Variants in ACSL6 observed in about 807,000 individuals in gnomAD.
ACSL6 encodes acyl-CoA synthetase long chain family member 6.
In ACSL6, 47 loss-of-function variants were observed where a neutral mutation model predicts 98.2. The ratio of observed to expected loss-of-function variants is 0.48; its 90% CI spans 0.38 to 0.61. ACSL6 has a LOEUF of 0.61. Ranked by LOEUF, ACSL6 falls within the 20% of genes least tolerant of loss-of-function variation. The pLI is 0.00. For synonymous variants in ACSL6, 362 were observed against 336.9 expected, an observed-to-expected ratio of 1.07 and a Z score of -0.82; for missense variants, 761 against 913.4, an observed-to-expected ratio of 0.83 and a Z score of 2.15.
At chr5:131,978,250 C>T (rs1208280714) in intron 9 of ACSL6, among the ~76,000 whole-genome samples, 1 of 152,188 alleles carries the variant, frequency 6.6e-6, no homozygotes, top group Non-Finnish European at 1.5e-5. Context: ...GGGAGACAAT[C>T]AAGAGTACAC....
chr5:131,977,645 C>T (rs1453256216), intron 9 of ACSL6, among the ~76,000 whole-genome samples: 1 of 152,140 alleles, frequency 6.6e-6, no homozygotes. Context: ...TCCACTGAGG[C>T]AGCCAGAGAT....
At chr5:132,007,409 G>A (rs1315569884) in intron 1 of ACSL6, among the ~76,000 whole-genome samples, 1 of 152,204 alleles carries the variant, frequency 6.6e-6, no homozygotes, top group Non-Finnish European at 1.5e-5. Flanking sequence ...CTTTCTGCAT[G>A]TCAGAATCCT....
Position 131,988,233 on chromosome 5 carries a change from G to A in ACSL6, c.653-7C>T. ...ATCACGGTGCTGATGTCCGCTGCAGGGGGCCATCAAGGAGAGTCAGGCCAT... is the reference window on the plus strand; with the variant it reads ...ATCACGGTGCTGATGTCCGCTGCAGAGGGCCATCAAGGAGAGTCAGGCCAT... On this transcript the variant is annotated splice_region_variant and splice_polypyrimidine_tract_variant and intron_variant, in intron 6 of 20. Transcript: ENST00000651883. 2 of 1,613,706 alleles carry A rather than the reference G, an allele frequency of 1.2e-6. No individual in the cohort carries two copies. The highest frequency in any genetic ancestry group is 1.7e-6 in the Non-Finnish European group (2 of 1,179,716).
At chr5:131,992,781 C>G (rs1754594631) in intron 2 of ACSL6, among the ~76,000 whole-genome samples, 2 of 152,218 alleles carry the variant, frequency 1.3e-5, no homozygotes, top group Admixed American at 1.3e-4. Flanking sequence ...GGTCCCTGCA[C>G]AGTTCACAGG....
At chr5:132,001,444 A>T (rs1314522770) in intron 1 of ACSL6, among the ~76,000 whole-genome samples, 1 of 152,170 alleles carries the variant, frequency 6.6e-6, no homozygotes, top group Non-Finnish European at 1.5e-5. Flanking sequence ...GGTTTTAATT[A>T]GATTCACAGA....
chr5:132,004,290 G>A (rs1280346973), intron 1 of ACSL6, among the ~76,000 whole-genome samples: 1 of 151,542 alleles, frequency 6.6e-6, no homozygotes, highest in Non-Finnish European at 1.5e-5. Context: ...GTCACCAGGA[G>A]CTGCCTATTA....
At chr5:131,986,113 G>T (rs931285863) in intron 8 of ACSL6, among the ~76,000 whole-genome samples, 1 of 152,248 alleles carries the variant, frequency 6.6e-6, no homozygotes, top group African/African-American at 2.4e-5. Flanking sequence ...AACCAGCCTG[G>T]GCACAGGCAC....
At chr5:131,976,591 C>A in intron 10 of ACSL6, 57 bp downstream of exon 10, 1 of 1,396,830 alleles carries the variant, frequency 7.2e-7, no homozygotes, top group Non-Finnish European at 9.9e-7. Flanking sequence ...AAAAAATCCT[C>A]TGAGGCTTGA....
rs1237546118 is a variant in ACSL6, at chr5:131,988,195, A to T, written c.684T>A (p.Pro228=). 6.2e-7 allele frequency: 1 copy of T among 1,613,954 alleles called. No homozygotes were observed. Among genetic ancestry groups the T allele is most frequent in the Non-Finnish European group, 8.5e-7 (1 of 1,180,024 alleles). Residue 228 remains proline (P), a synonymous_variant, in exon 7 of 21, where the codon CCT becomes CCA. Transcript: ENST00000651883. ...GCTCTAGCAGAAGCACAGCCTTCTGAGGTTTGTCCACAATCACGGTGCTGA... is the reference window on the plus strand; with the variant it reads ...GCTCTAGCAGAAGCACAGCCTTCTGTGGTTTGTCCACAATCACGGTGCTGA... ...ADISTVIVDK[P]QKAVLLLEHV...
chr5:131,998,681 C>T lies in ACSL6; in HGVS notation c.50-4430G>A, dbSNP rs144911895. Among the ~76,000 whole-genome samples, 68 of 152,312 alleles carry T rather than the reference C, an allele frequency of 4.5e-4. 1 individual carries two copies. In the South Asian group the frequency reaches 9.7e-3, roughly 22 times the overall value. On this transcript the variant is annotated intron_variant, in intron 1 of 20. Coordinates refer to ENST00000651883, the MANE Select transcript of ACSL6 (RefSeq NM_001009185.3). Reference sequence around the variant, plus strand: ...ACCCGACCACTCCTCTCTACCCCAACGGCCCCAGGCCTGACAGCCACCACC... The same window carrying T: ...ACCCGACCACTCCTCTCTACCCCAATGGCCCCAGGCCTGACAGCCACCACC...
intron 15 of ACSL6, among the ~76,000 whole-genome samples, chr5:131,969,427 C>G (rs996696026): frequency 6.6e-6 from 1 of 151,650 alleles, no homozygotes; most frequent in Non-Finnish European, 1.5e-5. Flanking sequence ...AGATCTCCCA[C>G]AGGAACCACC....
rs185794490 is a variant in ACSL6 at position 131,952,793 on chromosome 5, T to C, written c.*1441A>G. On this transcript the variant is annotated 3_prime_UTR_variant, in exon 21 of 21. Coordinates refer to ENST00000651883, the MANE Select transcript of ACSL6 (RefSeq NM_001009185.3). ...TCGGCACGCTTAAAGATTTTAGGAA[T>C]GTAATTATGCCATTAGGCAGTATTT... 9.2e-6 allele frequency: 2 copies of C among 218,354 alleles called. No homozygotes were observed. Among genetic ancestry groups the C allele is most frequent in the Non-Finnish European group, 1.8e-5 (2 of 108,820 alleles). 13.5% of individuals were successfully genotyped at this position (218,354 alleles called of 1,614,324 possible).
Position 131,959,521 on chromosome 5 carries a change from G to A in ACSL6, c.2031+15C>T. ...CCTGAAGGGTTGTAACGAGTATGGG[G>A]AAGGTAACAGTTACCTGCTCAAAAG... On this transcript the variant is annotated intron_variant, in intron 20 of 20. Transcript: ENST00000651883. The A allele has an allele frequency of 6.2e-7, 1 of 1,612,974 alleles. No homozygotes were observed. Among genetic ancestry groups the A allele is most frequent in the Non-Finnish European group, 8.5e-7 (1 of 1,178,976 alleles).
At chr5:131,967,324 A>C (rs902220578) in intron 16 of ACSL6, among the ~76,000 whole-genome samples, 45 of 152,016 alleles carry the variant, frequency 3.0e-4, no homozygotes, top group Admixed American at 2.4e-3. Flanking sequence ...ACGCCACTGC[A>C]CTCCAGCCTG....
intron 1 of ACSL6, chr5:132,006,979 C>T (rs1306451053): frequency 6.6e-6 from 1 of 152,204 alleles, no homozygotes; most frequent in Non-Finnish European, 1.5e-5. Context: ...TACTGATTGA[C>T]TTGTGGTAAG....
At chr5:132,009,846 C>T (rs543683913) in intron 1 of ACSL6, among the ~76,000 whole-genome samples, 4 of 152,138 alleles carry the variant, frequency 2.6e-5, no homozygotes, top group Non-Finnish European at 2.9e-5. Context: ...CTGATGACCC[C>T]GGTCACAAGT....
At chr5:131,975,312 G>A in intron 10 of ACSL6, 1 of 985,396 alleles carries the variant, frequency 1.0e-6, no homozygotes, top group Non-Finnish European at 1.2e-6. Context: ...CCGCAGGGAA[G>A]TCTCCTCTCT....
chr5:131,976,217 G>A lies in ACSL6; in HGVS notation c.990+431C>T, dbSNP rs144194447. 3.2e-4 allele frequency: 317 copies of A among 985,372 alleles called. 1 individual carries two copies. The highest frequency in any genetic ancestry group is 1.6e-3 in the Middle Eastern group (3 of 1,914). The allele number at this position is 985,372 out of a possible 1,614,324, so 61.0% of individuals were successfully genotyped here. A position where few individuals can be genotyped will look rare whatever the true frequency, so the allele number is the denominator to read the frequency against. On this transcript the variant is annotated intron_variant, in intron 10 of 20. Transcript: ENST00000651883. ...ACAGCCTTATAAATTAGCAGTTGCC[G>A]TTGTTTCTCAGACTCTAGTAGTCCT...
intron 14 of ACSL6, among the ~76,000 whole-genome samples, chr5:131,971,258 C>T (rs1339797172): frequency 1.3e-5 from 2 of 152,096 alleles, no homozygotes; most frequent in African/African-American, 2.4e-5. Context: ...CAGATTCTAC[C>T]GCACATTGAT....
Sources: allele counts gnomAD v4.1 joint callset (sites outside exome capture counted in the v4.1 genomes callset), GRCh38; gene constraint gnomAD v4.1.1; transcripts MANE v1.5; gene names NCBI Gene and HGNC (gene_info 2026-07-23, HGNC 2026-07-21).